Variants in DAW1 observed in about 807,000 individuals in gnomAD.
DAW1 encodes the protein dynein assembly factor with WD repeat domains 1.
DAW1 carries 47 observed loss-of-function variants against 56.5 expected under a neutral mutation model. The observed-to-expected ratio is 0.83, with a 90% confidence interval of 0.66 to 1.06. The LOEUF is 1.06. Among genes scored for constraint, DAW1 ranks in the 50% least tolerant of loss-of-function variants. The pLI, the probability that DAW1 is intolerant of heterozygous loss-of-function variation, is 0.00. For synonymous variants in DAW1, 190 were observed against 179.0 expected (o/e 1.06, Z -0.49); for missense variants, 505 against 499.3 (o/e 1.01, Z -0.11).
At chr2:227,909,367 ATATT>A (rs1332837086) in intron 10 of DAW1, among the ~76,000 whole-genome samples, 1 of 147,846 alleles carries the variant, frequency 6.8e-6, no homozygotes, top group Non-Finnish European at 1.5e-5. Context: ...TATATATTAT[ATATT>A]TATATGTATT....
At position 227,923,996 on chromosome 2, in the gene DAW1, T is replaced by A. The variant is rs1262590935; in HGVS notation, c.*28T>A. The stretch of plus-strand genomic sequence containing the variant: ...GAAGGAAGCTGGTCAGTGAGCAACC[T>A]TGCTAGCAATGGTAATCAAGAACTG... On this transcript the variant is annotated 3_prime_UTR_variant, in exon 13 of 13. Transcript: ENST00000309931. The A allele has an allele frequency of 1.2e-6, 2 of 1,613,338 alleles. No individual in the cohort carries two copies. Among genetic ancestry groups the A allele is most frequent in the African/African-American group, 2.7e-5 (2 of 74,884 alleles).
chr2:227,888,584 C>G (rs1691183868), intron 2 of DAW1, among the ~76,000 whole-genome samples: 1 of 152,226 alleles, frequency 6.6e-6, no homozygotes, highest in East Asian at 1.9e-4. Context: ...AGAGGCAGCC[C>G]TGGCCTGGAA....
intron 6 of DAW1, among the ~76,000 whole-genome samples, chr2:227,900,352 C>T (rs936577199): frequency 7.2e-5 from 11 of 152,256 alleles, no homozygotes; most frequent in African/African-American, 2.6e-4. Flanking sequence ...TTTTCACAGT[C>T]AACAACATCC....
At position 227,885,394 on chromosome 2, in the gene DAW1, G is replaced by C; in HGVS notation, c.84G>C (p.Lys28Asn). Reference protein sequence around the residue: ...EYEKHGELKTKSIDLLDLGPS... With the variant: ...EYEKHGELKTNSIDLLDLGPS... ...AAAAACATGGAGAATTAAAGACTAA[G>C]TCCATAGATTTGCTTGATCTTGGTC... is the stretch of plus-strand genomic sequence containing the variant. The change falls in exon 2 of 13, where the codon AAG (lysine) becomes AAC (asparagine). Residue 28 changes from lysine (K) to asparagine (N), a missense_variant. Lys to Asn is a moderately conservative substitution (Grantham distance 94, BLOSUM62 0). Coordinates refer to ENST00000309931, the MANE Select transcript of DAW1 (RefSeq NM_178821.3). 6.2e-7 allele frequency: 1 copy of C among 1,602,690 alleles called. No individual in the cohort carries two copies.
chr2:227,892,912 T>C (rs374240451), intron 4 of DAW1, among the ~76,000 whole-genome samples: 1 of 152,228 alleles, frequency 6.6e-6, no homozygotes, highest in Admixed American at 6.5e-5. Flanking sequence ...TATTTTACAT[T>C]ACACTCTATT....
At position 227,918,881 on chromosome 2, in the gene DAW1, A is replaced by T. The variant is rs370854655; in HGVS notation, c.1050+25A>T. The T allele has an allele frequency of 4.3e-6, 7 of 1,612,312 alleles. No individual in the cohort carries two copies. In the African/African-American group the frequency reaches 5.3e-5, roughly 12 times the overall value. On this transcript the variant is annotated intron_variant, in intron 11 of 12. Coordinates refer to ENST00000309931, the MANE Select transcript of DAW1 (RefSeq NM_178821.3). Reference sequence around the variant, plus strand: ...GGTGAGTCGCTTTCTCATTTGGAGGAGTTTATTTACTTTCAAAAAATAAAG... The same window carrying T: ...GGTGAGTCGCTTTCTCATTTGGAGGTGTTTATTTACTTTCAAAAAATAAAG...
chr2:227,889,943 A>C lies in DAW1; in HGVS notation c.201A>C (p.Ile67=). The part of the protein sequence containing the change: ...ASRTEQVKLL[I]QRLQEKLGQN... ...GAACAGAGCAAGTCAAACTTTTGAT[A>C]CAGAGGTTGCAAGAGAAACTCGGCC... The change falls in exon 3 of 13, where the codon ATA becomes ATC. Residue 67 remains isoleucine, a synonymous_variant. Transcript: ENST00000309931. 6.2e-7 allele frequency: 1 copy of C among 1,605,604 alleles called. No individual in the cohort carries two copies.
At chr2:227,875,992 C>T (rs1019908046) in intron 1 of DAW1, among the ~76,000 whole-genome samples, 2 of 150,958 alleles carry the variant, frequency 1.3e-5, no homozygotes, top group Non-Finnish European at 2.9e-5. Context: ...CTTTGATCTA[C>T]TTCAGCTCTA....
intron 1 of DAW1, among the ~76,000 whole-genome samples, chr2:227,877,841 C>T (rs572027548): frequency 6.6e-6 from 1 of 152,362 alleles, no homozygotes; most frequent in Non-Finnish European, 1.5e-5. Context: ...GGCCTGGGCC[C>T]TAACGGCCAC....
At chr2:227,915,067 C>T (rs1043833460) in intron 10 of DAW1, among the ~76,000 whole-genome samples, 1 of 152,040 alleles carries the variant, frequency 6.6e-6, no homozygotes, top group Non-Finnish European at 1.5e-5. Context: ...ATGTCTGCAT[C>T]ATACCCTTGA....
intron 1 of DAW1, among the ~76,000 whole-genome samples, chr2:227,878,081 TA>T: frequency 6.6e-6 from 1 of 152,372 alleles, no homozygotes; most frequent in East Asian, 1.9e-4. Flanking sequence ...ACTTATTTGC[TA>T]AAATGTTAAA....
chr2:227,910,774 A>G (rs572172229), intron 10 of DAW1, among the ~76,000 whole-genome samples: 17 of 152,254 alleles, frequency 1.1e-4, no homozygotes, highest in Admixed American at 2.0e-4. Flanking sequence ...GTATGATGAT[A>G]CAATATTTTT....
Position 227,918,169 on chromosome 2 carries a change from C to T in DAW1, c.974-611C>T, listed in dbSNP as rs1169778340. Among the ~76,000 whole-genome samples the T allele has an allele frequency of 7.2e-5, 7 of 97,760 alleles. No individual in the cohort carries two copies. In the East Asian group the frequency reaches 1.6e-3, roughly 22 times the overall value. 64.1% of individuals were successfully genotyped at this position (97,760 alleles called of 152,430 possible). ...CCATCCATCCATCCATCCATCCATC[C>T]ATCATCCATCCATCCATCCATCCAT... On this transcript the variant is annotated intron_variant, in intron 10 of 12. Transcript: ENST00000309931.
intron 6 of DAW1, among the ~76,000 whole-genome samples, chr2:227,902,732 T>C (rs1691575484): frequency 6.6e-6 from 1 of 152,172 alleles, no homozygotes; most frequent in South Asian, 2.1e-4. Flanking sequence ...GCTTCACTTT[T>C]GTTCTTGTTC....
intron 1 of DAW1, among the ~76,000 whole-genome samples, chr2:227,875,980 ATCTT>A (rs1690871186): frequency 6.6e-6 from 1 of 151,476 alleles, no homozygotes; most frequent in Non-Finnish European, 1.5e-5. Context: ...CAGATAAGTG[ATCTT>A]TGATCTACTT....
At chr2:227,876,450 T>C (rs1445049583) in intron 1 of DAW1, 1 of 1,303,240 alleles carries the variant, frequency 7.7e-7, no homozygotes, top group South Asian at 1.2e-5. Context: ...CAGTCTTTGG[T>C]GAGCCAAATC....
intron 11 of DAW1, among the ~76,000 whole-genome samples, chr2:227,919,956 G>A (rs1264449613): frequency 6.6e-6 from 1 of 152,170 alleles, no homozygotes; most frequent in Admixed American, 6.5e-5. Context: ...CCCTCTGGCT[G>A]GTCAGTGGTG....
chr2:227,904,383 A>ACCCCAAAT (rs1462238724), intron 7 of DAW1, among the ~76,000 whole-genome samples: 1 of 152,190 alleles, frequency 6.6e-6, no homozygotes, highest in African/African-American at 2.4e-5. Context: ...TCTTCCCATT[A>ACCCCAAAT]TCTTACAGTT....
intron 5 of DAW1, among the ~76,000 whole-genome samples, chr2:227,897,011 C>T (rs1169990556): frequency 1.3e-5 from 2 of 149,958 alleles, no homozygotes; most frequent in African/African-American, 2.5e-5. Flanking sequence ...GCTTGAGCTC[C>T]GGAGGTTGAG....
Sources: gnomAD v4.1 joint callset for allele counts (sites outside exome capture counted in the v4.1 genomes callset) on GRCh38, gnomAD v4.1.1 for gene constraint, MANE v1.5 for transcripts, NCBI Gene and HGNC (gene_info 2026-07-23, HGNC 2026-07-21) for gene names.